Variants in BRSK2 observed in about 807,000 individuals in gnomAD.
BRSK2 encodes the protein BR serine/threonine kinase 2, also known as serine/threonine-protein kinase BRSK2.
A neutral mutation model predicts 83.3 loss-of-function variants in BRSK2; 19 were observed. That is an observed-to-expected ratio of 0.23 (90% CI 0.16 to 0.33). The LOEUF (loss-of-function observed/expected upper bound fraction) is 0.33. BRSK2 is among the 10% of genes least tolerant of loss of function. The pLI is 1.00. For missense variants in BRSK2, 798 were observed against 1,042.3 expected, an observed-to-expected ratio of 0.77 and a Z score of 3.23; for synonymous variants, 519 against 435.4, an observed-to-expected ratio of 1.19 and a Z score of -2.39.
chr11:1,403,117 A>G (rs2134060448), intron 1 of BRSK2, among the ~76,000 whole-genome samples: 1 of 152,190 alleles, frequency 6.6e-6, no homozygotes, highest in Middle Eastern at 3.4e-3. Flanking sequence ...TGAGTTCCCC[A>G]TTCCACAGCT....
chr11:1,397,884 C>T (rs941255462), intron 1 of BRSK2, among the ~76,000 whole-genome samples: 50 of 152,266 alleles, frequency 3.3e-4, no homozygotes, highest in African/African-American at 9.6e-4. Context: ...GGCACCTTGG[C>T]CTGAGGGGGA....
intron 1 of BRSK2, among the ~76,000 whole-genome samples, chr11:1,433,765 G>A (rs569800229): frequency 2.0e-4 from 30 of 152,366 alleles, no homozygotes; most frequent in African/African-American, 7.0e-4. Context: ...CTGGATCAAA[G>A]GCCTTCAGGG....
At chr11:1,420,562 G>A (rs915274951) in intron 1 of BRSK2, among the ~76,000 whole-genome samples, 1 of 152,218 alleles carries the variant, frequency 6.6e-6, no homozygotes, top group African/African-American at 2.4e-5. Context: ...TGACAGGTGA[G>A]TGTGAGGTCT....
chr11:1,411,974 T>G (rs1178046114), intron 1 of BRSK2, among the ~76,000 whole-genome samples: 1 of 151,424 alleles, frequency 6.6e-6, no homozygotes, highest in African/African-American at 2.4e-5. Flanking sequence ...GTGGGTGGAG[T>G]CTCAGCTGCG....
chr11:1,449,068 C>T (rs528443976), intron 12 of BRSK2, among the ~76,000 whole-genome samples: 25 of 152,372 alleles, frequency 1.6e-4, no homozygotes, highest in Non-Finnish European at 2.8e-4. Flanking sequence ...GGCGCCGGCT[C>T]GTCCGTGCAG....
chr11:1,392,264 C>G (rs983975285), intron 1 of BRSK2, among the ~76,000 whole-genome samples: 1 of 152,220 alleles, frequency 6.6e-6, no homozygotes, highest in Admixed American at 6.5e-5. Flanking sequence ...TGCCAGGAGA[C>G]CTCCGTGGGA....
At chr11:1,443,719 T>G in intron 8 of BRSK2, 84 bp downstream of exon 8, 1 of 1,417,682 alleles carries the variant, frequency 7.1e-7, no homozygotes, top group Non-Finnish European at 9.2e-7. Context: ...CACAGGTGTG[T>G]GCCCAGACGT....
chr11:1,457,839 G>A (rs946026564), intron 18 of BRSK2, among the ~76,000 whole-genome samples: 1 of 148,128 alleles, frequency 6.8e-6, no homozygotes, highest in Non-Finnish European at 1.5e-5. Flanking sequence ...CGGGCTGGGG[G>A]CTGAGGTCCC....
intron 1 of BRSK2, among the ~76,000 whole-genome samples, chr11:1,429,232 A>G (rs549106352): frequency 2.2e-5 from 3 of 135,326 alleles, no homozygotes; most frequent in Admixed American, 1.5e-4. Flanking sequence ...GCGTGTGCCC[A>G]TGGGTGTGTC....
chr11:1,393,973 CTGGAGATGGGCCA>C lies in BRSK2; in HGVS notation c.91+3609_91+3621del, dbSNP rs1433065305. The stretch of plus-strand genomic sequence containing the variant: ...TGGAGATGGGTCCTGGAGATGGGTC[CTGGAGATGGGCCA>C]TGGAGATGGGTCCCTGGAGATGGGC... On this transcript the variant is annotated intron_variant, in intron 1 of 19. Transcript: ENST00000528841. 2.5e-3 allele frequency among the ~76,000 whole-genome samples: 160 copies of C among 63,674 alleles called. 6 individuals are homozygous for C. The highest frequency in any genetic ancestry group is 6.7e-3 in the African/African-American group (147 of 21,786). The allele number at this position is 63,674 out of a possible 152,430, so 41.8% of individuals were successfully genotyped here. A position where few individuals can be genotyped will look rare whatever the true frequency, so the allele number is the denominator to read the frequency against.
At chr11:1,404,074 G>C (rs1048699541) in intron 1 of BRSK2, among the ~76,000 whole-genome samples, 1 of 152,206 alleles carries the variant, frequency 6.6e-6, no homozygotes, top group Non-Finnish European at 1.5e-5. Context: ...GTTCACATCT[G>C]TCTGGGTGAA....
At chr11:1,446,046 AGCTGGGCTGGGCTGG>A (rs55914513) in intron 12 of BRSK2, 139 bp downstream of exon 12, 411,180 of 938,656 alleles carry the variant, frequency 0.44, 94,094 homozygotes, top group Middle Eastern at 0.48. Flanking sequence ...AACTGGGCTT[AGCTGGGCTGGGCTGG>A]GCTGGGCTTG....
In BRSK2 at chr11:1,409,064, GTA is replaced by G. The variant is rs1847138163; in HGVS notation, c.91+18691_91+18692del. Among the ~76,000 whole-genome samples the G allele has an allele frequency of 3.9e-5, 6 of 152,294 alleles. No individual in the cohort carries two copies. In the South Asian group the frequency reaches 1.2e-3, roughly 32 times the overall value. On this transcript the variant is annotated intron_variant, in intron 1 of 19. Coordinates refer to ENST00000528841, the MANE Select transcript of BRSK2 (RefSeq NM_001256627.2). ...TGTCTGCCTGTACAGGGATGTGTGT[GTA>G]TGTGTGTGCCTGTGTAAGGGTGTGT...
At chr11:1,402,512 T>C (rs1279740483) in intron 1 of BRSK2, among the ~76,000 whole-genome samples, 1 of 152,196 alleles carries the variant, frequency 6.6e-6, no homozygotes, top group Admixed American at 6.5e-5. Flanking sequence ...GTGCTGCGTG[T>C]AACCCTCTGG....
intron 8 of BRSK2, 79 bp from the exon 9 acceptor site, chr11:1,444,892 C>T: frequency 2.8e-6 from 4 of 1,412,400 alleles, no homozygotes; most frequent in Non-Finnish European, 4.0e-6. Flanking sequence ...CCCAGCGCCC[C>T]TGCCTTCCCC....
At chr11:1,411,999 G>T (rs902238895) in intron 1 of BRSK2, among the ~76,000 whole-genome samples, 1 of 147,202 alleles carries the variant, frequency 6.8e-6, no homozygotes, top group Non-Finnish European at 1.5e-5. Flanking sequence ...CCCGTCCTGC[G>T]GTGGGTGGAG....
At chr11:1,429,214 G>T (rs941533893) in intron 1 of BRSK2, among the ~76,000 whole-genome samples, 3 of 151,420 alleles carry the variant, frequency 2.0e-5, no homozygotes, top group Non-Finnish European at 3.0e-5. Flanking sequence ...TGTGCACGCG[G>T]TGTGTGGGCG....
Position 1,443,617 on chromosome 11 carries a change from C to T in BRSK2, c.762C>T (p.Asp254=), listed in dbSNP as rs763342862. The T allele has an allele frequency of 2.9e-5, 47 of 1,601,568 alleles. No individual in the cohort carries two copies. Among genetic ancestry groups the T allele is most frequent in the Admixed American group, 2.5e-4 (15 of 59,662 alleles). The part of the protein sequence containing the change: ...QSLLRGMIEV[D]AARRLTLEHI... Reference sequence around the variant, plus strand: ...TGCTACGGGGCATGATCGAGGTGGACGCCGCACGCCGCCTCACGGTGCGTG... The same window carrying T: ...TGCTACGGGGCATGATCGAGGTGGATGCCGCACGCCGCCTCACGGTGCGTG... Residue 254 remains aspartate, a synonymous_variant, in exon 8 of 20, where the codon GAC becomes GAT. Coordinates refer to ENST00000528841, the MANE Select transcript of BRSK2 (RefSeq NM_001256627.2).
In BRSK2 at chr11:1,401,469, G is replaced by A. The variant is rs573529875; in HGVS notation, c.91+11094G>A. ...CTGCACGGTCCAGGGTCGCTCAGGA[G>A]CCCCTGGGACCAGGGCCAGCATACC... On this transcript the variant is annotated intron_variant, in intron 1 of 19. Coordinates refer to ENST00000528841, the MANE Select transcript of BRSK2 (RefSeq NM_001256627.2). Among the ~76,000 whole-genome samples, 22 of 152,302 alleles carry A rather than the reference G, an allele frequency of 1.4e-4. No homozygotes were observed. In the South Asian group the frequency reaches 4.3e-3, roughly 30 times the overall value.
Sources: gnomAD v4.1 joint callset for allele counts (sites outside exome capture counted in the v4.1 genomes callset) on GRCh38, gnomAD v4.1.1 for gene constraint, MANE v1.5 for transcripts, NCBI Gene and HGNC (gene_info 2026-07-23, HGNC 2026-07-21) for gene names.